ITPR1: variants seen among roughly 807,000 people sequenced by gnomAD.
The protein encoded by ITPR1 is inositol 1,4,5-trisphosphate-gated calcium channel ITPR1.
In ITPR1, 96 loss-of-function variants were observed where a neutral mutation model predicts 318.4. The observed-to-expected ratio is 0.30, with a 90% confidence interval of 0.26 to 0.36. The LOEUF is 0.36. Ranked by LOEUF, ITPR1 falls within the 10% of genes least tolerant of loss-of-function variation. ITPR1 has a pLI of 1.00. For synonymous variants in ITPR1, 1,312 were observed against 1,289.9 expected (o/e 1.02, Z -0.37); for missense variants, 2,440 against 3,460.2 (o/e 0.71, Z 7.40).
intron 4 of ITPR1, among the ~76,000 whole-genome samples, chr3:4,603,865 G>T (rs1174435751): frequency 1.3e-5 from 2 of 152,170 alleles, no homozygotes; most frequent in African/African-American, 4.8e-5. Context: ...CGCAGTAATG[G>T]CATTGCTGGG....
intron 4 of ITPR1, among the ~76,000 whole-genome samples, chr3:4,606,921 T>C (rs896168762): frequency 6.6e-6 from 1 of 152,206 alleles, no homozygotes; most frequent in Non-Finnish European, 1.5e-5. Context: ...TTGTGAGACC[T>C]GTTGTGAATT....
intron 4 of ITPR1, among the ~76,000 whole-genome samples, chr3:4,525,874 A>G (rs1320911737): frequency 1.3e-5 from 2 of 152,154 alleles, no homozygotes; most frequent in Admixed American, 6.5e-5. Context: ...GGTGCTAAAT[A>G]TAAAGATATC....
intron 33 of ITPR1, 72 bp from the exon 34 acceptor site, chr3:4,697,074 TG>T: frequency 1.4e-6 from 2 of 1,419,272 alleles, no homozygotes; most frequent in Non-Finnish European, 2.0e-6. Context: ...GTCCTTGCTG[TG>T]AAGTTGAGGC....
chr3:4,815,289 G>T, intron 59 of ITPR1, 71 bp downstream of exon 59: 5 of 1,478,232 alleles, frequency 3.4e-6, no homozygotes, highest in South Asian at 1.2e-5. Flanking sequence ...GATACTGCGA[G>T]GGTGTGATGG....
At chr3:4,767,202 G>A (rs1314978403) in intron 45 of ITPR1, among the ~76,000 whole-genome samples, 7 of 152,232 alleles carry the variant, frequency 4.6e-5, no homozygotes, top group Non-Finnish European at 8.8e-5. Flanking sequence ...TGAGCCTCAC[G>A]TTTCAAGTTT....
At chr3:4,597,019 C>T (rs1420363322) in intron 4 of ITPR1, among the ~76,000 whole-genome samples, 1 of 152,186 alleles carries the variant, frequency 6.6e-6, no homozygotes, top group African/African-American at 2.4e-5. Context: ...TACATTTGCT[C>T]AGAGAGGACT....
At chr3:4,620,701 G>C in intron 4 of ITPR1, among the ~76,000 whole-genome samples, 1 of 89,966 alleles carries the variant, frequency 1.1e-5, no homozygotes, top group Non-Finnish European at 2.3e-5. Flanking sequence ...TTTTTTTTTT[G>C]GTGGTAGTGA....
intron 4 of ITPR1, among the ~76,000 whole-genome samples, chr3:4,534,386 C>T (rs1248566969): frequency 6.6e-6 from 1 of 152,170 alleles, no homozygotes; most frequent in East Asian, 1.9e-4. Flanking sequence ...CATCTCTCCC[C>T]AAGGTGAGTG....
At chr3:4,629,313 G>A (rs1416682271) in intron 5 of ITPR1, among the ~76,000 whole-genome samples, 1 of 151,934 alleles carries the variant, frequency 6.6e-6, no homozygotes, top group Non-Finnish European at 1.5e-5. Context: ...GGCTCTTCTT[G>A]AGCTAGGACT....
At chr3:4,562,414 ATT>A (rs896240458) in intron 4 of ITPR1, among the ~76,000 whole-genome samples, 1 of 152,114 alleles carries the variant, frequency 6.6e-6, no homozygotes, top group African/African-American at 2.4e-5. Context: ...AATTTTATTT[ATT>A]TTGTTTGCAC....
intron 4 of ITPR1, among the ~76,000 whole-genome samples, chr3:4,603,117 A>G (rs537682277): frequency 1.3e-5 from 2 of 152,318 alleles, no homozygotes; most frequent in South Asian, 4.1e-4. Flanking sequence ...ACTACAAAAC[A>G]AGTGAAAAAA....
intron 14 of ITPR1, among the ~76,000 whole-genome samples, chr3:4,661,411 T>A (rs2093829928): frequency 6.6e-6 from 1 of 152,230 alleles, no homozygotes; most frequent in Non-Finnish European, 1.5e-5. Context: ...TGTCTTGAGG[T>A]ACATCAAGTA....
chr3:4,670,881 C>T lies in ITPR1; in HGVS notation c.2159C>T (p.Ala720Val). 1 of 1,605,518 alleles carries T rather than the reference C, an allele frequency of 6.2e-7. No homozygotes were observed. Among genetic ancestry groups the T allele is most frequent in the South Asian group, 1.1e-5 (1 of 89,654 alleles). Residue 720 changes from alanine (A) to valine (V), a missense_variant, in exon 20 of 62, where the codon GCT (alanine) becomes GTT (valine). Ala to Val is a moderately conservative substitution (Grantham distance 64). Transcript: ENST00000649015. Reference sequence around the variant, plus strand: ...AGTGTGAGGGAATTGGCTCAGGATGCTAAAGAAGGGCAGAAGGAGGACCGA... The same window carrying T: ...AGTGTGAGGGAATTGGCTCAGGATGTTAAAGAAGGGCAGAAGGAGGACCGA... Reference protein sequence around the residue: ...SKSVRELAQDAKEGQKEDRDV... With the variant: ...SKSVRELAQDVKEGQKEDRDV...
intron 2 of ITPR1, among the ~76,000 whole-genome samples, chr3:4,502,735 G>T (rs1039855564): frequency 2.0e-5 from 3 of 151,880 alleles, no homozygotes; most frequent in Admixed American, 1.3e-4. Context: ...CACTGCGCCT[G>T]GCCCCTGTAC....
intron 4 of ITPR1, among the ~76,000 whole-genome samples, chr3:4,581,738 C>T (rs1553633304): frequency 6.6e-6 from 1 of 152,134 alleles, no homozygotes; most frequent in Non-Finnish European, 1.5e-5. Flanking sequence ...TAGTGTACGG[C>T]AGGAATTGTG....
intron 4 of ITPR1, among the ~76,000 whole-genome samples, chr3:4,543,752 T>A (rs541448797): frequency 8.3e-4 from 127 of 152,318 alleles, no homozygotes; most frequent in African/African-American, 2.9e-3. Flanking sequence ...CGTATTTAAG[T>A]CTGTTAGGAA....
At chr3:4,843,331 T>C (rs1055794086) in intron 61 of ITPR1, among the ~76,000 whole-genome samples, 2 of 152,178 alleles carry the variant, frequency 1.3e-5, no homozygotes, top group Non-Finnish European at 2.9e-5. Flanking sequence ...AAAAATAATA[T>C]ATGTACACAA....
intron 44 of ITPR1, among the ~76,000 whole-genome samples, chr3:4,752,706 C>A (rs1479130591): frequency 2.6e-5 from 4 of 152,212 alleles, no homozygotes; most frequent in Non-Finnish European, 4.4e-5. Context: ...ACTGTGTTGA[C>A]CAAGCTGGCC....
chr3:4,743,052 A>G (rs1455424463), intron 44 of ITPR1, among the ~76,000 whole-genome samples: 1 of 152,252 alleles, frequency 6.6e-6, no homozygotes, highest in Non-Finnish European at 1.5e-5. Context: ...AATAGTAATG[A>G]GAGACATTCT....
Sources: allele counts gnomAD v4.1 joint callset (sites outside exome capture counted in the v4.1 genomes callset), GRCh38; gene constraint gnomAD v4.1.1; transcripts MANE v1.5; gene names NCBI Gene and HGNC (gene_info 2026-07-23, HGNC 2026-07-21).